Variants in MYO5B observed in about 807,000 individuals in gnomAD.
MYO5B encodes unconventional myosin-Vb.
Under a neutral mutation model 229.3 loss-of-function variants are expected in MYO5B, and 143 were observed. The observed-to-expected ratio is 0.62, with a 90% CI of 0.54 to 0.72. MYO5B has a LOEUF of 0.72. Ranked by LOEUF, MYO5B falls within the 30% of genes least tolerant of loss-of-function variation. The pLI, the probability that MYO5B is intolerant of heterozygous loss-of-function variation, is 0.00. For synonymous variants in MYO5B, 918 were observed against 885.2 expected, an observed-to-expected ratio of 1.04 and a Z score of -0.66; for missense variants, 2,321 against 2,331.0, an observed-to-expected ratio of 1.00 and a Z score of 0.09.
intron 2 of MYO5B, among the ~76,000 whole-genome samples, chr18:50,043,486 TA>T (rs1405675860): frequency 3.4e-5 from 3 of 88,406 alleles, no homozygotes; most frequent in Non-Finnish European, 4.5e-5. Context: ...TATATAAATA[TA>T]TTTTTATATA....
chr18:49,873,119 G>A (rs1220267284), intron 26 of MYO5B, among the ~76,000 whole-genome samples: 7 of 152,206 alleles, frequency 4.6e-5, no homozygotes, highest in Admixed American at 4.6e-4. Flanking sequence ...GAACTCCAAA[G>A]CTAGTGCTTG....
chr18:50,117,487 T>C (rs2031983758), intron 1 of MYO5B, among the ~76,000 whole-genome samples: 1 of 152,188 alleles, frequency 6.6e-6, no homozygotes. Flanking sequence ...GTTTAGATTA[T>C]ATCTTTCTAT....
rs1322405912 is a variant in MYO5B, at chr18:49,894,909, T to C, written c.3045+32A>G. ...GCTCCGTGTGCCCACCCACTCTGCT[T>C]GCCAGCGCCTGCCCCTCTGGCCTGA... On this transcript the variant is annotated intron_variant, in intron 22 of 39. Transcript: ENST00000285039. 3 of 1,594,244 alleles carry C rather than the reference T, an allele frequency of 1.9e-6. No individual in the cohort carries two copies. The South Asian group carries it at 3.3e-5, about 18-fold the overall frequency.
intron 14 of MYO5B, among the ~76,000 whole-genome samples, chr18:49,945,256 T>A (rs756677779): frequency 3.9e-5 from 6 of 152,178 alleles, no homozygotes; most frequent in Non-Finnish European, 7.3e-5. Context: ...AGTCTGGATC[T>A]TTTCCTGTTA....
intron 7 of MYO5B, 103 bp downstream of exon 7, chr18:49,990,336 G>C (rs925521604): frequency 1.0e-6 from 1 of 964,620 alleles, no homozygotes; most frequent in Non-Finnish European, 1.6e-6. Flanking sequence ...AGGCAGAGCC[G>C]AGACAAGAAC....
At chr18:50,098,419 G>A (rs1475203174) in intron 1 of MYO5B, among the ~76,000 whole-genome samples, 7 of 152,190 alleles carry the variant, frequency 4.6e-5, no homozygotes, top group Non-Finnish European at 1.0e-4. Context: ...ATGTCCTAAA[G>A]AGTCCCATCA....
intron 21 of MYO5B, among the ~76,000 whole-genome samples, chr18:49,901,503 A>G (rs2024841194): frequency 6.6e-6 from 1 of 152,242 alleles, no homozygotes. Flanking sequence ...GACAAAGCTT[A>G]AAAATAAGAG....
chr18:49,953,421 T>C, intron 13 of MYO5B, 78 bp from the exon 14 acceptor site: 1 of 1,291,230 alleles, frequency 7.7e-7, no homozygotes, highest in Admixed American at 1.7e-5. Flanking sequence ...CTCATCCAGG[T>C]AGCATTTTCT....
chr18:49,989,605 A>G (rs2025907596), intron 7 of MYO5B, among the ~76,000 whole-genome samples: 1 of 152,186 alleles, frequency 6.6e-6, no homozygotes, highest in Non-Finnish European at 1.5e-5. Flanking sequence ...GGACCCACAC[A>G]GAGAAGGGCC....
rs555719120 is a variant in MYO5B, at chr18:50,069,607, T to C, written c.28-14229A>G. 2.6e-5 allele frequency among the ~76,000 whole-genome samples: 4 copies of C among 152,286 alleles called. No homozygotes were observed. The South Asian group carries it at 8.3e-4, about 32-fold the overall frequency. On this transcript the variant is annotated intron_variant, in intron 1 of 39. Transcript: ENST00000285039. ...CTGGTACCACTAGAAGAGCACTGTT[T>C]AGAGAGTAATTGCAGTTTTCAAAGG...
At position 49,884,049 on chromosome 18, in the gene MYO5B, A is replaced by G. The variant is rs575499849; in HGVS notation, c.3046-3594T>C. ...AACAAATCTTTGTGACCTTTGGATT[A>G]GGCACAAGCCAAATACAATGCCAAA... On this transcript the variant is annotated intron_variant, in intron 22 of 39. Coordinates refer to ENST00000285039, the MANE Select transcript of MYO5B (RefSeq NM_001080467.3). 7.9e-5 allele frequency among the ~76,000 whole-genome samples: 12 copies of G among 151,596 alleles called. No individual in the cohort carries two copies. In the South Asian group the frequency reaches 2.5e-3, roughly 32 times the overall value.
At chr18:49,964,067 G>A (rs1388600411) in intron 10 of MYO5B, among the ~76,000 whole-genome samples, 1 of 152,114 alleles carries the variant, frequency 6.6e-6, no homozygotes, top group Admixed American at 6.6e-5. Context: ...GTTGTTAGCT[G>A]CTATTAGTTT....
chr18:50,191,917 A>G (rs2033233171), intron 1 of MYO5B, among the ~76,000 whole-genome samples: 1 of 152,218 alleles, frequency 6.6e-6, no homozygotes, highest in South Asian at 2.1e-4. Flanking sequence ...CAAACATCAA[A>G]TTTATGACGA....
rs72913828 is a variant in MYO5B at position 50,014,294 on chromosome 18, A to C, written c.456-12883T>G. ...ATGAGAAAGGAAAAAAAAAAAAAAA[A>C]AACTACGGGTATGGTTAACTTACAA... On this transcript the variant is annotated intron_variant, in intron 4 of 39. Coordinates refer to ENST00000285039, the MANE Select transcript of MYO5B (RefSeq NM_001080467.3). 6.5e-3 allele frequency among the ~76,000 whole-genome samples: 919 copies of C among 141,616 alleles called. 16 individuals carry two copies. Among genetic ancestry groups the C allele is most frequent in the Middle Eastern group, 0.011 (3 of 278 alleles). 92.9% of individuals were successfully genotyped at this position (141,616 alleles called of 152,430 possible).
At chr18:50,107,036 C>T (rs560082343) in intron 1 of MYO5B, among the ~76,000 whole-genome samples, 2 of 151,366 alleles carry the variant, frequency 1.3e-5, no homozygotes, top group East Asian at 3.9e-4. Flanking sequence ...CTCCAGCTGC[C>T]CTGACTCTGA....
rs116050760 is a variant in MYO5B, at chr18:49,869,427, C to G, written c.3603+2740G>C. ...GGACCAGCCTCTGTGACAAGGCCCA[C>G]AAGTAAAATCATTTCATCAGAGACA... is the stretch of plus-strand genomic sequence containing the variant. On this transcript the variant is annotated intron_variant, in intron 27 of 39. Coordinates refer to ENST00000285039, the MANE Select transcript of MYO5B (RefSeq NM_001080467.3). Among the ~76,000 whole-genome samples, 394 of 152,272 alleles carry G rather than the reference C, an allele frequency of 2.6e-3. 4 individuals carry two copies. The highest frequency in any genetic ancestry group is 8.9e-3 in the African/African-American group (369 of 41,554).
chr18:49,836,332 A>G (rs1262752006), intron 38 of MYO5B, among the ~76,000 whole-genome samples: 1 of 152,206 alleles, frequency 6.6e-6, no homozygotes, highest in Non-Finnish European at 1.5e-5. Flanking sequence ...TTATATTTGT[A>G]AAGAAAGCAA....
At chr18:50,081,914 CA>C (rs1293807813) in intron 1 of MYO5B, among the ~76,000 whole-genome samples, 4 of 152,138 alleles carry the variant, frequency 2.6e-5, no homozygotes, top group African/African-American at 9.7e-5. Context: ...CCACACTTCC[CA>C]AATTCTTGGT....
chr18:49,946,475 A>AAG (rs1458537176), intron 14 of MYO5B: 1 of 152,178 alleles, frequency 6.6e-6, no homozygotes, highest in Non-Finnish European at 1.5e-5. Context: ...CTGTATGAAA[A>AAG]ATCACACTAG....
Sources: gnomAD v4.1 joint callset for allele counts (sites outside exome capture counted in the v4.1 genomes callset) on GRCh38, gnomAD v4.1.1 for gene constraint, MANE v1.5 for transcripts, NCBI Gene and HGNC (gene_info 2026-07-23, HGNC 2026-07-21) for gene names.